The following ARMC2 variants were observed in gnomAD, a reference collection of about 807,000 sequenced individuals.
ARMC2 encodes the protein armadillo repeat-containing protein 2.
In ARMC2, 67 loss-of-function variants were observed where a neutral mutation model predicts 90.3. That is an observed-to-expected ratio of 0.74 (90% confidence interval 0.61 to 0.91). ARMC2 has a LOEUF of 0.91. Among genes scored for constraint, ARMC2 ranks in the 40% least tolerant of loss-of-function variants. The pLI is 0.00. For synonymous variants in ARMC2, 393 were observed against 393.0 expected (o/e 1.00, Z 0.00); for missense variants, 920 against 1,030.9 (o/e 0.89, Z 1.47).
At chr6:109,010,656 AATAAG>A in the ARMC2 span, among the ~76,000 whole-genome samples, 543 of 152,270 alleles carry the variant, frequency 3.6e-3, 4 homozygotes, top group African/African-American at 0.012. Flanking sequence ...TCTCCTAATA[AATAAG>A]ATAAATGATA....
the ARMC2 span, among the ~76,000 whole-genome samples, chr6:109,019,203 A>G: frequency 1.3e-5 from 2 of 152,150 alleles, no homozygotes; most frequent in African/African-American, 4.8e-5. Context: ...ACACACACAC[A>G]AACACACACA....
chr6:109,021,609 T>G, the ARMC2 span, among the ~76,000 whole-genome samples: 1 of 152,076 alleles, frequency 6.6e-6, no homozygotes, highest in Admixed American at 6.5e-5. Flanking sequence ...GGCTAATTTT[T>G]TTTTGTATTT....
the ARMC2 span, among the ~76,000 whole-genome samples, chr6:109,024,505 A>G: frequency 1.3e-5 from 2 of 152,220 alleles, no homozygotes; most frequent in African/African-American, 4.8e-5. Context: ...TGACCTCGAT[A>G]TTAGTGCTTC....
the ARMC2 span, among the ~76,000 whole-genome samples, chr6:109,021,723 C>T: frequency 6.6e-6 from 1 of 151,832 alleles, no homozygotes; most frequent in African/African-American, 2.4e-5. Context: ...AGGCATGAGC[C>T]ACCACACCTG....
At chr6:108,911,284 T>C (rs1773396787) in intron 9 of ARMC2, among the ~76,000 whole-genome samples, 1 of 152,212 alleles carries the variant, frequency 6.6e-6, no homozygotes. Flanking sequence ...TTGGATTTAA[T>C]ATATAGAAAA....
chr6:108,979,893 AC>A, the ARMC2 span, among the ~76,000 whole-genome samples: 1 of 151,674 alleles, frequency 6.6e-6, no homozygotes, highest in Non-Finnish European at 1.5e-5. Context: ...AATTCATCTA[AC>A]CTTTTTTCAG....
chr6:109,036,997 T>A, the ARMC2 span, among the ~76,000 whole-genome samples: 1 of 152,224 alleles, frequency 6.6e-6, no homozygotes, highest in South Asian at 2.1e-4. Context: ...AACTTACCGA[T>A]CAAGGTCCCT....
At chr6:108,980,584 G>C in the ARMC2 span, among the ~76,000 whole-genome samples, 1 of 151,166 alleles carries the variant, frequency 6.6e-6, no homozygotes, top group Non-Finnish European at 1.5e-5. Flanking sequence ...GTTTAAGTTT[G>C]CTGACACTGC....
chr6:108,874,380 A>G (rs1399537720), intron 4 of ARMC2, among the ~76,000 whole-genome samples: 1 of 152,254 alleles, frequency 6.6e-6, no homozygotes, highest in Admixed American at 6.5e-5. Context: ...TGGGTGCTTA[A>G]TAAATATTCA....
chr6:108,965,188 GAT>G (rs1333461358), intron 17 of ARMC2, 48 bp downstream of exon 17: 1 of 1,525,760 alleles, frequency 6.6e-7, no homozygotes, highest in Admixed American at 1.8e-5. Flanking sequence ...CAGAGTGTGA[GAT>G]AGTTTTTTTC....
At chr6:108,901,404 C>T (rs527306925) in intron 7 of ARMC2, among the ~76,000 whole-genome samples, 4 of 121,948 alleles carry the variant, frequency 3.3e-5, no homozygotes, top group South Asian at 3.1e-4. Context: ...CATGAGCCAC[C>T]GCACCTGGCC....
intron 10 of ARMC2, among the ~76,000 whole-genome samples, chr6:108,927,463 T>G (rs1176296838): frequency 5.3e-5 from 8 of 152,200 alleles, no homozygotes; most frequent in Admixed American, 2.6e-4. Context: ...ATATTAAAAT[T>G]ATTAGATAAC....
chr6:108,875,031 CAGTA>C (rs972356375), intron 4 of ARMC2, among the ~76,000 whole-genome samples: 11 of 152,074 alleles, frequency 7.2e-5, no homozygotes, highest in Non-Finnish European at 1.5e-4. Flanking sequence ...TCTTGCAAAA[CAGTA>C]AGTATTTTTC....
intron 11 of ARMC2, among the ~76,000 whole-genome samples, chr6:108,932,732 G>A (rs1006310705): frequency 3.3e-5 from 5 of 151,806 alleles, no homozygotes; most frequent in African/African-American, 9.7e-5. Flanking sequence ...TTTTCACTGT[G>A]TTAGCCAGGA....
chr6:109,042,686 A>G, the ARMC2 span, among the ~76,000 whole-genome samples: 2 of 152,016 alleles, frequency 1.3e-5, no homozygotes, highest in Non-Finnish European at 2.9e-5. Context: ...GAATAGCCCT[A>G]TTGCTATTAA....
At position 108,953,347 on chromosome 6, in the gene ARMC2, G is replaced by T. The variant is rs552011948; in HGVS notation, c.1911G>T (p.Thr637=). The part of the protein sequence containing the change: ...NPGIVGLLLT[T]LEYKSLDDCE... ...GGATAGTGGGCCTGCTCCTGACCAC[G>T]CTGGGTGAGAACCGCAGCCCACTGG... The change falls in exon 13 of 18, where the codon ACG becomes ACT. Residue 637 remains threonine (T), a synonymous_variant. Coordinates refer to ENST00000392644, the MANE Select transcript of ARMC2 (RefSeq NM_032131.6). 5 of 1,598,832 alleles carry T rather than the reference G, an allele frequency of 3.1e-6. No homozygotes were observed. In the Admixed American group the frequency reaches 5.0e-5, roughly 16 times the overall value.
intron 8 of ARMC2, among the ~76,000 whole-genome samples, 172 bp from the exon 9 acceptor site, chr6:108,910,727 G>T (rs1424986817): frequency 3.9e-5 from 6 of 152,124 alleles, no homozygotes; most frequent in Non-Finnish European, 8.8e-5. Flanking sequence ...GAGTTAATTA[G>T]ATACCACAAT....
At chr6:108,936,846 A>G in intron 11 of ARMC2, 54 bp from the exon 12 acceptor site, 1 of 1,427,980 alleles carries the variant, frequency 7.0e-7, no homozygotes, top group South Asian at 1.2e-5. Context: ...TGTGTACTTG[A>G]ATTTTATAGA....
the ARMC2 span, among the ~76,000 whole-genome samples, chr6:108,999,731 A>G: frequency 6.6e-6 from 1 of 152,156 alleles, no homozygotes; most frequent in Non-Finnish European, 1.5e-5. Flanking sequence ...ACAAAGGTAA[A>G]CGTAGGCTTA....
Sources: gnomAD v4.1 joint callset for allele counts (sites outside exome capture counted in the v4.1 genomes callset) on GRCh38, gnomAD v4.1.1 for gene constraint, MANE v1.5 for transcripts, NCBI Gene and HGNC (gene_info 2026-07-23, HGNC 2026-07-21) for gene names.